The following CCDC192 variants were observed in gnomAD, a reference collection of about 807,000 sequenced individuals.
The protein encoded by CCDC192 is coiled-coil domain containing 192, also known as coiled-coil domain-containing protein 192.
At chr5:127,866,115 A>AT (rs1751600967) in intron 5 of CCDC192, among the ~76,000 whole-genome samples, 1 of 152,142 alleles carries the variant, frequency 6.6e-6, no homozygotes, top group Admixed American at 6.5e-5. Flanking sequence ...TGTGCAGACC[A>AT]TTTAGCATCA....
intron 4 of CCDC192, among the ~76,000 whole-genome samples, chr5:127,797,756 TATATATATATATATA>T (rs1349755274): frequency 0.094 from 3,255 of 34,506 alleles, 90 homozygotes; most frequent in South Asian, 0.15. Flanking sequence ...TATATATATA[TATATATATATATATA>T]TATATATTTA....
chr5:127,814,417 G>A (rs1230345874), intron 5 of CCDC192, among the ~76,000 whole-genome samples: 14 of 152,238 alleles, frequency 9.2e-5, no homozygotes, highest in South Asian at 4.2e-4. Flanking sequence ...GAGCTCAGGA[G>A]GTAACCAAAG....
intron 2 of CCDC192, among the ~76,000 whole-genome samples, chr5:127,744,289 A>T (rs945702122): frequency 1.1e-4 from 17 of 151,674 alleles, no homozygotes; most frequent in Non-Finnish European, 2.9e-5. Context: ...TCAGCTGGGG[A>T]AAGACTTGAA....
At chr5:127,758,244 G>A (rs1754723360) in intron 3 of CCDC192, among the ~76,000 whole-genome samples, 1 of 152,036 alleles carries the variant, frequency 6.6e-6, no homozygotes, top group Non-Finnish European at 1.5e-5. Context: ...GTGCAAACTG[G>A]GCATTTCTAA....
At chr5:127,800,058 T>C (rs183532372) in intron 5 of CCDC192, among the ~76,000 whole-genome samples, 1 of 152,192 alleles carries the variant, frequency 6.6e-6, no homozygotes, top group Non-Finnish European at 1.5e-5. Context: ...AGATCACTCG[T>C]CACACTCTGA....
intron 5 of CCDC192, among the ~76,000 whole-genome samples, chr5:127,858,409 C>T (rs1023715333): frequency 2.0e-5 from 3 of 152,144 alleles, no homozygotes; most frequent in Non-Finnish European, 2.9e-5. Context: ...GCCTCTTATC[C>T]GTAAGATTCC....
chr5:127,730,545 C>T (rs1444879704), intron 2 of CCDC192, among the ~76,000 whole-genome samples: 1 of 152,036 alleles, frequency 6.6e-6, no homozygotes, highest in Non-Finnish European at 1.5e-5. Context: ...ATCCTGATAC[C>T]AAAACCTGGC....
At chr5:127,780,281 A>G (rs1018193767) in intron 3 of CCDC192, among the ~76,000 whole-genome samples, 2 of 152,174 alleles carry the variant, frequency 1.3e-5, no homozygotes, top group Non-Finnish European at 2.9e-5. Flanking sequence ...AAGCATGTCC[A>G]AGTATCTTTT....
Position 127,709,113 on chromosome 5 carries a change from GA to G in CCDC192, c.114+1354del, listed in dbSNP as rs1319576537. On this transcript the variant is annotated intron_variant, in intron 2 of 6. Transcript: ENST00000514853. ...ACACAGTGGGAGCAGGAGAGAGAGA[GA>G]GAGAGAGAGGGAGAGGGAGAGGGAG... Among the ~76,000 whole-genome samples the G allele has an allele frequency of 1.8e-3, 171 of 95,968 alleles. 2 individuals are homozygous for G. Among genetic ancestry groups the G allele is most frequent in the African/African-American group, 6.5e-3 (157 of 24,116 alleles). 63.0% of individuals were successfully genotyped at this position (95,968 alleles called of 152,430 possible).
chr5:127,924,967 A>G (rs2127194491), intron 6 of CCDC192, among the ~76,000 whole-genome samples: 1 of 152,350 alleles, frequency 6.6e-6, no homozygotes, highest in East Asian at 1.9e-4. Context: ...GAATTTTTTG[A>G]CATCTCTAAA....
chr5:127,706,830 G>T (rs147585777), intron 1 of CCDC192, among the ~76,000 whole-genome samples: 35 of 152,206 alleles, frequency 2.3e-4, no homozygotes, highest in African/African-American at 7.7e-4. Flanking sequence ...TGAGGTGAGG[G>T]GTTAAATTTT....
At chr5:127,870,124 A>G (rs562466663) in intron 5 of CCDC192, among the ~76,000 whole-genome samples, 1 of 152,358 alleles carries the variant, frequency 6.6e-6, no homozygotes, top group Admixed American at 6.5e-5. Flanking sequence ...CTTCTGATCC[A>G]TTCTTTGTCA....
At chr5:127,908,167 C>G (rs968909826) in intron 6 of CCDC192, among the ~76,000 whole-genome samples, 1 of 152,186 alleles carries the variant, frequency 6.6e-6, no homozygotes, top group African/African-American at 2.4e-5. Flanking sequence ...ACAGCTTGTT[C>G]AGCACTGGGA....
intron 3 of CCDC192, among the ~76,000 whole-genome samples, chr5:127,791,317 T>C (rs1756854673): frequency 6.6e-6 from 1 of 152,244 alleles, no homozygotes; most frequent in African/African-American, 2.4e-5. Flanking sequence ...AGATAAACTA[T>C]ATCTATTGTA....
chr5:127,901,905 C>A (rs1388536352), intron 6 of CCDC192, among the ~76,000 whole-genome samples: 1 of 152,158 alleles, frequency 6.6e-6, no homozygotes, highest in Admixed American at 6.5e-5. Flanking sequence ...CCAAATAAAT[C>A]CCAAGTAAAT....
rs567920405 is a variant in CCDC192, at chr5:127,806,408, AC to A, written c.411+8252del. ...AACCACCTGTACCAATTCCTGCCAC[AC>A]CCCCCACCCTACCGCCCCCAGCTAC... On this transcript the variant is annotated intron_variant, in intron 5 of 6. Transcript: ENST00000514853. Among the ~76,000 whole-genome samples the A allele has an allele frequency of 1.8e-3, 269 of 151,394 alleles. 2 individuals are homozygous for A. The highest frequency in any genetic ancestry group is 6.4e-3 in the African/African-American group (264 of 41,234).
chr5:127,940,950 T>G (rs1754383419), intron 6 of CCDC192: 1 of 360,290 alleles, frequency 2.8e-6, no homozygotes, highest in Non-Finnish European at 4.9e-6. Flanking sequence ...GGGCTGATGC[T>G]GTACACTCTC....
At chr5:127,749,346 C>T (rs1237403188) in intron 2 of CCDC192, among the ~76,000 whole-genome samples, 1 of 152,068 alleles carries the variant, frequency 6.6e-6, no homozygotes, top group Admixed American at 6.6e-5. Flanking sequence ...TTGTCAAAGG[C>T]CTTTTCTGCA....
At chr5:127,881,539 T>G (rs1752352135) in intron 6 of CCDC192, among the ~76,000 whole-genome samples, 1 of 152,234 alleles carries the variant, frequency 6.6e-6, no homozygotes, top group Non-Finnish European at 1.5e-5. Context: ...AGGAATATTT[T>G]TAGGCATATT....
Sources: allele counts gnomAD v4.1 joint callset (sites outside exome capture counted in the v4.1 genomes callset), GRCh38; gene constraint gnomAD v4.1.1; transcripts MANE v1.5; gene names NCBI Gene and HGNC (gene_info 2026-07-23, HGNC 2026-07-21).